Variants in HS3ST4 observed in about 807,000 individuals in gnomAD.
HS3ST4 encodes heparan sulfate-glucosamine 3-sulfotransferase 4, also known as heparan sulfate glucosamine 3-O-sulfotransferase 4.
A neutral mutation model predicts 29.2 loss-of-function variants in HS3ST4; 17 were observed. The ratio of observed to expected loss-of-function variants is 0.58; its 90% CI spans 0.40 to 0.87. The LOEUF (loss-of-function observed/expected upper bound fraction) is 0.87, where lower values mean the gene tolerates loss of function less well. HS3ST4 is among the 40% of genes least tolerant of loss of function. HS3ST4 has a pLI of 0.00. For missense variants in HS3ST4, 627 were observed against 634.5 expected (o/e 0.99, Z 0.13); for synonymous variants, 314 against 285.7 (o/e 1.10, Z -1.00).
chr16:26,135,478 A>G (rs1898270191), intron 1 of HS3ST4, 134 bp from the exon 2 acceptor site: 8 of 856,802 alleles, frequency 9.3e-6, no homozygotes, highest in Non-Finnish European at 1.4e-5. Flanking sequence ...ATAGGTAAGA[A>G]GAACTTGCAA....
rs374771709 is a variant in HS3ST4, at chr16:25,726,370, A to T, written c.734+33219A>T. Among the ~76,000 whole-genome samples, 6 of 152,292 alleles carry T rather than the reference A, an allele frequency of 3.9e-5. No individual in the cohort carries two copies. In the East Asian group the frequency reaches 1.2e-3, roughly 29 times the overall value. ...TTCTAATGTATTTACTTGATGTTAT[A>T]CAGTTGAACATGTAAATTGCTTTCA... On this transcript the variant is annotated intron_variant, in intron 1 of 1. Coordinates refer to ENST00000331351, the MANE Select transcript of HS3ST4 (RefSeq NM_006040.3).
chr16:25,961,117 A>G (rs1023671418), intron 1 of HS3ST4, among the ~76,000 whole-genome samples: 7 of 152,164 alleles, frequency 4.6e-5, no homozygotes. Context: ...TCCATCTTCC[A>G]TGTGTTTGGA....
chr16:25,822,847 C>T (rs962313302), intron 1 of HS3ST4, among the ~76,000 whole-genome samples: 8 of 152,112 alleles, frequency 5.3e-5, no homozygotes, highest in Non-Finnish European at 1.2e-4. Flanking sequence ...AAGTGGTTCT[C>T]CTGCCTCAGC....
chr16:26,054,299 A>AGAGAGAGAGAGAGAGAGAGAGAGAG (rs397962355), intron 1 of HS3ST4, among the ~76,000 whole-genome samples: 53 of 141,742 alleles, frequency 3.7e-4, no homozygotes, highest in African/African-American at 1.4e-3. Flanking sequence ...AGAGAGAGAG[A>AGAGAGAGAGAGAGAGAGAGAGAGAG]AGGAGGAGGA....
intron 1 of HS3ST4, among the ~76,000 whole-genome samples, chr16:26,053,652 C>A (rs1288268871): frequency 6.6e-6 from 1 of 152,124 alleles, no homozygotes; most frequent in Non-Finnish European, 1.5e-5. Flanking sequence ...CAAATATTCA[C>A]CACTCTGGAC....
At chr16:26,107,370 A>ACT (rs397960531) in intron 1 of HS3ST4, among the ~76,000 whole-genome samples, 1 of 151,202 alleles carries the variant, frequency 6.6e-6, no homozygotes, top group Non-Finnish European at 1.5e-5. Context: ...ACACACACAC[A>ACT]TATGCACACA....
At chr16:26,089,419 G>A (rs993429516) in intron 1 of HS3ST4, among the ~76,000 whole-genome samples, 11 of 152,158 alleles carry the variant, frequency 7.2e-5, no homozygotes, top group African/African-American at 2.7e-4. Context: ...TGGTGGAGAA[G>A]GAGGGTTGGA....
At chr16:25,810,211 G>A (rs936961110) in intron 1 of HS3ST4, among the ~76,000 whole-genome samples, 14 of 151,788 alleles carry the variant, frequency 9.2e-5, no homozygotes, top group Middle Eastern at 3.4e-3. Flanking sequence ...ACTTTGTCTC[G>A]GACTCTTGAA....
rs1968559834 is a variant in HS3ST4 at position 25,940,251 on chromosome 16, G to A, written c.735-195361G>A. ...TAAGAGTTATTTGGAGCTAAGTCCA[G>A]TGAATTAGTCTGATGATTAAGCTAT... is the stretch of plus-strand genomic sequence containing the variant. On this transcript the variant is annotated intron_variant, in intron 1 of 1. Transcript: ENST00000331351. Among the ~76,000 whole-genome samples the A allele has an allele frequency of 2.4e-5, 3 of 125,492 alleles. No individual in the cohort carries two copies. The South Asian group carries it at 7.8e-4, about 33-fold the overall frequency. 82.3% of individuals were successfully genotyped at this position (125,492 alleles called of 152,430 possible). A position where few individuals can be genotyped will look rare whatever the true frequency, so the allele number is the denominator to read the frequency against.
chr16:26,129,265 A>G (rs1899387329), intron 1 of HS3ST4, among the ~76,000 whole-genome samples: 1 of 152,134 alleles, frequency 6.6e-6, no homozygotes, highest in African/African-American at 2.4e-5. Context: ...CAGAACACAT[A>G]ATGTGTCTCC....
chr16:26,033,665 T>G (rs1333909977), intron 1 of HS3ST4, among the ~76,000 whole-genome samples: 1 of 151,960 alleles, frequency 6.6e-6, no homozygotes, highest in Non-Finnish European at 1.5e-5. Flanking sequence ...GGGGCTGCAG[T>G]GAGCCATGAT....
intron 1 of HS3ST4, among the ~76,000 whole-genome samples, chr16:25,909,729 G>T (rs774808427): frequency 6.6e-6 from 1 of 152,142 alleles, no homozygotes; most frequent in South Asian, 2.1e-4. Context: ...AGTCTTTATC[G>T]TGAGTCTCTT....
chr16:25,756,795 A>T (rs1966761188), intron 1 of HS3ST4, among the ~76,000 whole-genome samples: 1 of 152,116 alleles, frequency 6.6e-6, no homozygotes, highest in Non-Finnish European at 1.5e-5. Flanking sequence ...AAAATAAAAG[A>T]CCTAACAGTA....
At chr16:25,987,116 C>T (rs879747585) in intron 1 of HS3ST4, among the ~76,000 whole-genome samples, 53 of 152,208 alleles carry the variant, frequency 3.5e-4, no homozygotes, top group East Asian at 7.7e-4. Context: ...TTTGGGAGGC[C>T]GAGGTGGGTG....
intron 1 of HS3ST4, among the ~76,000 whole-genome samples, chr16:25,869,808 T>C (rs1427107880): frequency 6.6e-6 from 1 of 152,224 alleles, no homozygotes; most frequent in Non-Finnish European, 1.5e-5. Context: ...ATGGACTCTG[T>C]GCTAGGGCAT....
chr16:26,064,236 G>T (rs1458459502), intron 1 of HS3ST4, among the ~76,000 whole-genome samples: 2 of 152,122 alleles, frequency 1.3e-5, no homozygotes, highest in African/African-American at 4.8e-5. Context: ...TTCCACCTTT[G>T]CAAGAGATGA....
intron 1 of HS3ST4, among the ~76,000 whole-genome samples, chr16:26,033,216 A>T (rs1452739311): frequency 6.6e-6 from 1 of 151,912 alleles, no homozygotes; most frequent in Non-Finnish European, 1.5e-5. Flanking sequence ...CCCATTTCTA[A>T]CAAAATGTAT....
At chr16:26,026,330 C>A (rs1969473011) in intron 1 of HS3ST4, among the ~76,000 whole-genome samples, 1 of 152,196 alleles carries the variant, frequency 6.6e-6, no homozygotes, top group East Asian at 1.9e-4. Context: ...TTGGTCACAA[C>A]AGAAAGCTCT....
chr16:25,869,386 G>A (rs1303505293), intron 1 of HS3ST4, among the ~76,000 whole-genome samples: 1 of 152,204 alleles, frequency 6.6e-6, no homozygotes, highest in Non-Finnish European at 1.5e-5. Flanking sequence ...TTAGGAAGCA[G>A]ACTGGTGCTG....
Sources: allele counts gnomAD v4.1 joint callset (sites outside exome capture counted in the v4.1 genomes callset), GRCh38; gene constraint gnomAD v4.1.1; transcripts MANE v1.5; gene names NCBI Gene and HGNC (gene_info 2026-07-23, HGNC 2026-07-21).